The following ARID3B variants were observed in gnomAD, a reference collection of about 807,000 sequenced individuals.
The protein encoded by ARID3B is AT-rich interactive domain-containing protein 3B.
A neutral mutation model predicts 51.9 loss-of-function variants in ARID3B; 10 were observed. The ratio of observed to expected loss-of-function variants is 0.19; its 90% CI spans 0.12 to 0.33. The LOEUF (loss-of-function observed/expected upper bound fraction) is 0.33, where lower values mean the gene tolerates loss of function less well. ARID3B is among the 10% of genes least tolerant of loss of function. The probability of loss-of-function intolerance (pLI) is 1.00; values close to 1 mark genes in which losing one functional copy is unlikely to be tolerated. For synonymous variants in ARID3B, 205 were observed against 279.5 expected (o/e 0.73, Z 2.66); for missense variants, 483 against 716.3 (o/e 0.67, Z 3.72).
intron 2 of ARID3B, among the ~76,000 whole-genome samples, chr15:74,565,834 AT>A (rs1381140847): frequency 6.6e-6 from 1 of 151,786 alleles, no homozygotes; most frequent in Non-Finnish European, 1.5e-5. Flanking sequence ...TCATTGGAAG[AT>A]TGGCAGTAAG....
At chr15:74,573,429 C>A in intron 4 of ARID3B, 1 of 566,594 alleles carries the variant, frequency 1.8e-6, no homozygotes, top group Non-Finnish European at 3.2e-6. Context: ...ACTTTTGGCC[C>A]TGCCTGATTT....
chr15:74,556,496 C>G (rs1364244659), intron 2 of ARID3B, among the ~76,000 whole-genome samples: 1 of 152,200 alleles, frequency 6.6e-6, no homozygotes, highest in Non-Finnish European at 1.5e-5. Flanking sequence ...ACAAAGTGAG[C>G]ACGTGCTGTT....
chr15:74,570,462 CAAAAAAAAAAAAAAAAAAAA>C (rs71137395), intron 2 of ARID3B, among the ~76,000 whole-genome samples: 23 of 64,612 alleles, frequency 3.6e-4, no homozygotes, highest in South Asian at 5.6e-4. Context: ...CTATAATTAG[CAAAAAAAAAAAAAAAAAAAA>C]AAAAAAAAAA....
intron 4 of ARID3B, among the ~76,000 whole-genome samples, chr15:74,584,321 T>C (rs539962811): frequency 7.2e-5 from 11 of 152,360 alleles, no homozygotes; most frequent in Admixed American, 5.9e-4. Flanking sequence ...TGCAGAGGAA[T>C]GTTCAGGAAG....
At chr15:74,592,964 C>G (rs2061809312) in intron 7 of ARID3B, among the ~76,000 whole-genome samples, 174 bp from the exon 8 acceptor site, 1 of 152,182 alleles carries the variant, frequency 6.6e-6, no homozygotes, top group African/African-American at 2.4e-5. Context: ...AAGCCAGCAA[C>G]AGGAGATTGG....
chr15:74,591,843 C>A lies in ARID3B; in HGVS notation c.1420+29C>A. ...AGCCAGGCTCAGGGCCGGGCCTTCC[C>A]TTCCTGGAAACCCCAAGCCCATTCA... On this transcript the variant is annotated intron_variant, in intron 7 of 8. Coordinates refer to ENST00000346246, the MANE Select transcript of ARID3B (RefSeq NM_006465.4). The surrounding 1 kb of genome is among the most constrained non-coding windows in gnomAD (Gnocchi z 5.8). 6.2e-7 allele frequency: 1 copy of A among 1,601,888 alleles called. No individual in the cohort carries two copies. Among genetic ancestry groups the A allele is most frequent in the Non-Finnish European group, 8.5e-7 (1 of 1,171,842 alleles).
At chr15:74,577,441 G>A (rs760656445) in intron 4 of ARID3B, among the ~76,000 whole-genome samples, 1 of 152,068 alleles carries the variant, frequency 6.6e-6, no homozygotes, top group Admixed American at 6.6e-5. Flanking sequence ...GGTGACGAGC[G>A]AAACTCCATC....
At chr15:74,546,877 T>C (rs1022717632) in intron 2 of ARID3B, among the ~76,000 whole-genome samples, 2 of 152,210 alleles carry the variant, frequency 1.3e-5, no homozygotes, top group African/African-American at 4.8e-5. Flanking sequence ...ATTTTTAACA[T>C]TGATTTGATC....
At position 74,576,659 on chromosome 15, in the gene ARID3B, C is replaced by CA. The variant is rs1016046097; in HGVS notation, c.697+3468dup. Among the ~76,000 whole-genome samples the CA allele has an allele frequency of 2.5e-3, 338 of 134,274 alleles. 1 individual carries two copies. The highest frequency in any genetic ancestry group is 0.011 in the Middle Eastern group (3 of 270). The allele number at this position is 134,274 out of a possible 152,430, so 88.1% of individuals were successfully genotyped here. Reference sequence around the variant, plus strand: ...CTGGCCAAAAAGTGAGACCCTGTCTCAAAAAAAAAAAAACTTTTTATGAAA... The same window carrying CA: ...CTGGCCAAAAAGTGAGACCCTGTCTCAAAAAAAAAAAAAACTTTTTATGAAA... On this transcript the variant is annotated intron_variant, in intron 4 of 8. Transcript: ENST00000346246.
Position 74,591,174 on chromosome 15 carries a change from A to G in ARID3B, c.905A>G (p.Tyr302Cys), listed in dbSNP as rs778669730. ...RTQYMKYLYA[Y>C]ECEKKALSSP... ...AGGTACATGAAGTATCTGTATGCCT[A>G]TGAGTGTGAGAAGAAAGCCTTGAGT... The change falls in exon 6 of 9, where the codon TAT (tyrosine) becomes TGT (cysteine). Residue 302 changes from tyrosine (Y) to cysteine (C), a missense_variant. Transcript: ENST00000346246. This position sits in a 1 kb window ranked among gnomAD's most constrained non-coding sequence, Gnocchi z 5.8. The G allele has an allele frequency of 6.2e-7, 1 of 1,610,446 alleles. No homozygotes were observed. Among genetic ancestry groups the G allele is most frequent in the Admixed American group, 1.7e-5 (1 of 59,882 alleles).
At chr15:74,560,134 G>A (rs1416443257) in intron 2 of ARID3B, among the ~76,000 whole-genome samples, 1 of 150,732 alleles carries the variant, frequency 6.6e-6, no homozygotes, top group Non-Finnish European at 1.5e-5. Context: ...GAATCTGGGA[G>A]ATGGAGATTG....
At chr15:74,575,541 C>G (rs1300701060) in intron 4 of ARID3B, among the ~76,000 whole-genome samples, 1 of 152,198 alleles carries the variant, frequency 6.6e-6, no homozygotes, top group Non-Finnish European at 1.5e-5. Flanking sequence ...CTGTGTCCTT[C>G]AGCCAGCTGC....
intron 4 of ARID3B, 122 bp downstream of exon 4, chr15:74,573,326 C>CTGCCAGTTGGTTCTGGA: frequency 1.8e-6 from 2 of 1,090,442 alleles, no homozygotes; most frequent in East Asian, 4.7e-5. Flanking sequence ...GAGGCATTTA[C>CTGCCAGTTGGTTCTGGA]TGCCAGTTGG....
intron 2 of ARID3B, among the ~76,000 whole-genome samples, chr15:74,554,260 C>T (rs2061648539): frequency 6.6e-6 from 1 of 151,922 alleles, no homozygotes; most frequent in Admixed American, 6.6e-5. Context: ...CCACCCAACT[C>T]GGCCTCCCAA....
Position 74,543,850 on chromosome 15 carries a change from A to T in ARID3B, c.-77-10A>T. On this transcript the variant is annotated splice_polypyrimidine_tract_variant and intron_variant, in intron 1 of 8. Transcript: ENST00000346246. ...CCCCTCCTTCTTTGTGGTTTCTGTT[A>T]ATCACTAAGGTTTAGACCCAGTGTG... The T allele has an allele frequency of 6.7e-7, 1 of 1,494,830 alleles. No individual in the cohort carries two copies. Among genetic ancestry groups the T allele is most frequent in the Non-Finnish European group, 9.0e-7 (1 of 1,111,592 alleles). 92.6% of individuals were successfully genotyped at this position (1,494,830 alleles called of 1,614,324 possible). A position where few individuals can be genotyped will look rare whatever the true frequency, so the allele number is the denominator to read the frequency against.
chr15:74,549,305 G>GA (rs1246293425), intron 2 of ARID3B, among the ~76,000 whole-genome samples: 2 of 152,004 alleles, frequency 1.3e-5, no homozygotes, highest in Non-Finnish European at 2.9e-5. Flanking sequence ...TCGATCTCCT[G>GA]ACCTCGTGAT....
chr15:74,579,467 C>T (rs2061751240), intron 4 of ARID3B, among the ~76,000 whole-genome samples: 1 of 152,138 alleles, frequency 6.6e-6, no homozygotes. Context: ...CCACAGTTTC[C>T]TTATCTATTG....
chr15:74,576,582 C>T lies in ARID3B; in HGVS notation c.697+3378C>T, dbSNP rs1055103266. On this transcript the variant is annotated intron_variant, in intron 4 of 8. Transcript: ENST00000346246. ...GCTGAGGTGGGCAAATTGCTCGAGC[C>T]GGGGACTTGGGGGCCGTCATGGAGG... 3.3e-5 allele frequency among the ~76,000 whole-genome samples: 5 copies of T among 151,782 alleles called. No individual in the cohort carries two copies. In the South Asian group the frequency reaches 8.3e-4, roughly 25 times the overall value.
intron 2 of ARID3B, among the ~76,000 whole-genome samples, chr15:74,548,651 A>G (rs1596249586): frequency 6.6e-6 from 1 of 152,320 alleles, no homozygotes; most frequent in Non-Finnish European, 1.5e-5. Flanking sequence ...TGCTAATCAC[A>G]TGTGTTAACA....
Sources: gnomAD v4.1 joint callset for allele counts (sites outside exome capture counted in the v4.1 genomes callset) on GRCh38, gnomAD v4.1.1 for gene constraint, Gnocchi (gnomAD v3.1) non-coding constraint, MANE v1.5 for transcripts, NCBI Gene and HGNC (gene_info 2026-07-23, HGNC 2026-07-21) for gene names.